The following CTU2 variants were observed in gnomAD, a reference collection of about 807,000 sequenced individuals.
CTU2 encodes cytoplasmic tRNA 2-thiolation protein 2.
Under a neutral mutation model 64.1 loss-of-function variants are expected in CTU2, and 80 were observed. The ratio of observed to expected loss-of-function variants is 1.25; its 90% CI spans 1.04 to 1.50. The LOEUF is 1.50. Among genes scored for constraint, CTU2 ranks in the 40% most tolerant of loss-of-function variants. CTU2 has a pLI of 0.00. For synonymous variants in CTU2, 482 were observed against 285.3 expected (o/e 1.69, Z -6.95); for missense variants, 1,110 against 690.2 (o/e 1.61, Z -6.81).
chr16:88,712,153 G>A (rs768297918), intron 5 of CTU2, 121 bp from the exon 6 acceptor site: 12 of 870,844 alleles, frequency 1.4e-5, no homozygotes, highest in South Asian at 8.5e-5. Context: ...CCACAGCTCC[G>A]CCAGGAAGCA....
At chr16:88,712,052 C>T (rs1022555122) in intron 5 of CTU2, 5 of 680,058 alleles carry the variant, frequency 7.4e-6, no homozygotes, top group African/African-American at 1.8e-5. Flanking sequence ...CCGACCCTTG[C>T]TCCTGCAGAA....
chr16:88,713,374 G>C lies in CTU2; in HGVS notation c.800G>C (p.Ser267Thr), dbSNP rs998473180. 1 of 1,604,652 alleles carries C rather than the reference G, an allele frequency of 6.2e-7. No individual in the cohort carries two copies. Among genetic ancestry groups the C allele is most frequent in the East Asian group, 2.3e-5 (1 of 43,776 alleles). The change falls in exon 8 of 15, where the codon AGC becomes ACC. Residue 267 changes from serine to threonine, a missense_variant. Coordinates refer to ENST00000453996, the MANE Select transcript of CTU2 (RefSeq NM_001012759.3). ...TACTCCAAGGTCATGACTGGGGACA[G>C]CTGCACACGCTTGGCTATCAAGCTC... ...HGYSKVMTGD[S>T]CTRLAIKLMT... is the part of the protein sequence containing the mutation.
At chr16:88,714,293 T>TGTGTGCGGGG (rs1911679700) in intron 10 of CTU2, 66 bp downstream of exon 10, 1 of 1,590,544 alleles carries the variant, frequency 6.3e-7, no homozygotes, top group African/African-American at 1.3e-5. Context: ...TGTGTGCGGG[T>TGTGTGCGGGG]GGTGAGCTCA....
chr16:88,707,532 C>T (rs1910972345), intron 2 of CTU2, among the ~76,000 whole-genome samples: 1 of 152,040 alleles, frequency 6.6e-6, no homozygotes, highest in African/African-American at 2.4e-5. Flanking sequence ...AGCTGGAATA[C>T]ATCTAGGGGC....
intron 4 of CTU2, chr16:88,710,611 C>T (rs968252622): frequency 3.6e-5 from 12 of 333,472 alleles, no homozygotes; most frequent in Middle Eastern, 8.9e-4. Context: ...TGCGTGTGTG[C>T]GGCCCACTCT....
chr16:88,712,145 A>T, intron 5 of CTU2, 129 bp from the exon 6 acceptor site: 1 of 820,782 alleles, frequency 1.2e-6, no homozygotes, highest in Non-Finnish European at 2.1e-6. Context: ...CCGACACCCC[A>T]CAGCTCCGCC....
At position 88,714,781 on chromosome 16, in the gene CTU2, G is replaced by T. The variant is rs769150254; in HGVS notation, c.1352+44G>T. 1.9e-6 allele frequency: 3 copies of T among 1,607,302 alleles called. No individual in the cohort carries two copies. The East Asian group carries it at 6.7e-5, about 36-fold the overall frequency. On this transcript the variant is annotated intron_variant, in intron 12 of 14. Coordinates refer to ENST00000453996, the MANE Select transcript of CTU2 (RefSeq NM_001012759.3). The stretch of plus-strand genomic sequence containing the variant: ...CACCCATGGCCAGCTGCATGGGGCG[G>T]GAGGGGGACCTGTCCTTACCCCACA...
At chr16:88,711,614 C>G in intron 4 of CTU2, 21 bp from the exon 5 acceptor site, 1 of 1,584,216 alleles carries the variant, frequency 6.3e-7, no homozygotes, top group Non-Finnish European at 8.6e-7. Flanking sequence ...GGGGCTGAGT[C>G]CCTGCTGCTT....
At chr16:88,707,036 C>T (rs2142699409) in intron 1 of CTU2, 100 bp from the exon 2 acceptor site, 2 of 1,223,676 alleles carry the variant, frequency 1.6e-6, no homozygotes, top group South Asian at 1.2e-5. Context: ...TTCTCTGACC[C>T]AACTCAGGGT....
At chr16:88,707,042 A>T (rs1284510325) in intron 1 of CTU2, 94 bp from the exon 2 acceptor site, 1 of 1,276,118 alleles carries the variant, frequency 7.8e-7, no homozygotes, top group Non-Finnish European at 1.1e-6. Context: ...GACCCAACTC[A>T]GGGTGAGAAA....
At chr16:88,709,471 A>G (rs558534555) in intron 2 of CTU2, 1 of 158,084 alleles carries the variant, frequency 6.3e-6, no homozygotes, top group East Asian at 1.9e-4. Flanking sequence ...ACTTCACCCC[A>G]AAGAGGTGGT....
At position 88,711,667 on chromosome 16, in the gene CTU2, C is replaced by G. The variant is rs755347566; in HGVS notation, c.315C>G (p.Arg105=). ...GLSQDSAKRL[R]FVAGVIFVDE... is the part of the protein sequence containing the mutation. ...GCCAAGATTCTGCCAAAAGACTGCG[C>G]TTTGTGGCAGGAGTCATCTTTGTTG... Residue 105 remains arginine (R), a synonymous_variant, in exon 5 of 15, where the codon CGC becomes CGG. Transcript: ENST00000453996. 1 of 1,608,638 alleles carries G rather than the reference C, an allele frequency of 6.2e-7. No individual in the cohort carries two copies. The highest frequency in any genetic ancestry group is 1.1e-5 in the South Asian group (1 of 90,044).
chr16:88,711,572 G>C, intron 4 of CTU2, 63 bp from the exon 5 acceptor site: 9 of 1,458,016 alleles, frequency 6.2e-6, no homozygotes, highest in Non-Finnish European at 8.4e-6. Context: ...AGAATGTTCT[G>C]AGCTGGAAAA....
At chr16:88,708,116 G>A (rs573917101) in intron 2 of CTU2, among the ~76,000 whole-genome samples, 14 of 152,268 alleles carry the variant, frequency 9.2e-5, no homozygotes, top group Non-Finnish European at 1.8e-4. Context: ...ACCTGGCCAA[G>A]ATAGGTACTT....
chr16:88,710,535 G>A lies in CTU2; in HGVS notation c.282+253G>A, dbSNP rs113603984. On this transcript the variant is annotated intron_variant, in intron 4 of 14. Coordinates refer to ENST00000453996, the MANE Select transcript of CTU2 (RefSeq NM_001012759.3). ...ACAAATCAGAAGCTGGGTCCACAGC[G>A]CGTGTGTGCGGCCCACTCTCAGATG... 105 of 528,884 alleles carry A rather than the reference G, an allele frequency of 2.0e-4. 4 individuals are homozygous for A. Among genetic ancestry groups the A allele is most frequent in the African/African-American group, 1.5e-3 (76 of 51,796 alleles). The allele number at this position is 528,884 out of a possible 1,614,324, so 32.8% of individuals were successfully genotyped here.
At chr16:88,712,251 C>T (rs770386517) in intron 5 of CTU2, 23 bp from the exon 6 acceptor site, 2 of 1,571,550 alleles carry the variant, frequency 1.3e-6, no homozygotes, top group Non-Finnish European at 1.7e-6. Flanking sequence ...TGAGCCCTGA[C>T]TCTTTCTGCC....
chr16:88,712,089 G>A (rs751817617), intron 5 of CTU2, 185 bp from the exon 6 acceptor site: 34 of 711,060 alleles, frequency 4.8e-5, no homozygotes, highest in African/African-American at 1.9e-4. Context: ...TGACTGTAGC[G>A]CTGAGGTCAG....
chr16:88,712,439 C>T (rs1040724955), intron 6 of CTU2, 56 bp downstream of exon 6: 75 of 1,488,560 alleles, frequency 5.0e-5, no homozygotes, highest in Non-Finnish European at 6.7e-5. Context: ...GGGGCACCTG[C>T]CCGTGTCCCA....
chr16:88,710,438 G>A (rs1393809188), intron 4 of CTU2, 156 bp downstream of exon 4: 1 of 677,492 alleles, frequency 1.5e-6, no homozygotes, highest in Non-Finnish European at 2.5e-6. Context: ...GTTCACAACA[G>A]GTGCACCAAT....
Sources: allele counts gnomAD v4.1 joint callset (sites outside exome capture counted in the v4.1 genomes callset), GRCh38; gene constraint gnomAD v4.1.1; transcripts MANE v1.5; gene names NCBI Gene and HGNC (gene_info 2026-07-23, HGNC 2026-07-21).